Variants in NCKAP5 observed in about 807,000 individuals in gnomAD.
NCKAP5 encodes NCK associated protein 5.
NCKAP5 carries 92 observed loss-of-function variants against 167.0 expected under a neutral mutation model. That is an observed-to-expected ratio of 0.55 (90% CI 0.47 to 0.66). NCKAP5 has a LOEUF of 0.66. Among genes scored for constraint, NCKAP5 ranks in the 30% least tolerant of loss-of-function variants. The pLI is 0.00. For missense variants in NCKAP5, 2,378 were observed against 2,315.0 expected, an observed-to-expected ratio of 1.03 and a Z score of -0.56; for synonymous variants, 891 against 877.4, an observed-to-expected ratio of 1.02 and a Z score of -0.27.
intron 3 of NCKAP5, among the ~76,000 whole-genome samples, chr2:133,422,750 A>G (rs958169993): frequency 2.0e-5 from 3 of 152,184 alleles, no homozygotes; most frequent in African/African-American, 4.8e-5. Flanking sequence ...ACTTGGCATC[A>G]CTAAAACTGC....
At chr2:132,970,004 A>G (rs1293982119) in intron 7 of NCKAP5, among the ~76,000 whole-genome samples, 1 of 152,214 alleles carries the variant, frequency 6.6e-6, no homozygotes. Flanking sequence ...GGACGTATTT[A>G]GAGTAAGTGA....
At chr2:132,756,931 C>T (rs929114700) in intron 16 of NCKAP5, among the ~76,000 whole-genome samples, 9 of 152,276 alleles carry the variant, frequency 5.9e-5, no homozygotes, top group Admixed American at 2.0e-4. Flanking sequence ...CAGGCAGAGA[C>T]GGTTTATCAC....
intron 6 of NCKAP5, among the ~76,000 whole-genome samples, chr2:133,102,382 C>T (rs562092850): frequency 3.3e-5 from 5 of 152,172 alleles, no homozygotes; most frequent in South Asian, 2.1e-4. Context: ...CTCCTGACCT[C>T]GTGATCCACC....
the NCKAP5 span, among the ~76,000 whole-genome samples, chr2:133,671,387 A>G: frequency 6.6e-6 from 1 of 152,180 alleles, no homozygotes; most frequent in Non-Finnish European, 1.5e-5. Context: ...AAGTGGCTGT[A>G]TTAAAAGGTG....
intron 6 of NCKAP5, among the ~76,000 whole-genome samples, chr2:133,095,735 A>C (rs1172236743): frequency 6.6e-6 from 1 of 152,252 alleles, no homozygotes; most frequent in Non-Finnish European, 1.5e-5. Context: ...CAATAGAGAC[A>C]TAATAGCACA....
chr2:132,706,874 A>G (rs1688403861), intron 19 of NCKAP5, among the ~76,000 whole-genome samples: 1 of 152,184 alleles, frequency 6.6e-6, no homozygotes, highest in South Asian at 2.1e-4. Flanking sequence ...GGAATGAAAA[A>G]AAGAATGGCA....
At chr2:132,947,805 G>A (rs750646313) in intron 8 of NCKAP5, among the ~76,000 whole-genome samples, 4 of 152,126 alleles carry the variant, frequency 2.6e-5, no homozygotes, top group Non-Finnish European at 5.9e-5. Context: ...GAGATTTCAC[G>A]ATAGAGCATT....
intron 7 of NCKAP5, among the ~76,000 whole-genome samples, chr2:132,971,510 CA>C (rs780342510): frequency 2.0e-5 from 3 of 152,130 alleles, no homozygotes; most frequent in Non-Finnish European, 4.4e-5. Context: ...GAGGGTAACA[CA>C]GTCAGATTTG....
At chr2:133,066,591 T>C (rs2080203867) in intron 6 of NCKAP5, among the ~76,000 whole-genome samples, 3 of 152,220 alleles carry the variant, frequency 2.0e-5, no homozygotes, top group Admixed American at 2.0e-4. Flanking sequence ...AAACATGGGA[T>C]GCTGAGTGCC....
At chr2:133,066,273 C>A (rs191432834) in intron 6 of NCKAP5, among the ~76,000 whole-genome samples, 58 of 152,338 alleles carry the variant, frequency 3.8e-4, no homozygotes, top group African/African-American at 1.3e-3. Flanking sequence ...CACAATTGAG[C>A]CAGCCTTGTC....
intron 3 of NCKAP5, among the ~76,000 whole-genome samples, chr2:133,441,781 G>T (rs1164836404): frequency 6.6e-6 from 1 of 152,030 alleles, no homozygotes; most frequent in Non-Finnish European, 1.5e-5. Flanking sequence ...TTTAAATGAG[G>T]TCTTCATAGG....
intron 6 of NCKAP5, among the ~76,000 whole-genome samples, chr2:133,063,158 C>T (rs977908874): frequency 2.0e-5 from 3 of 152,156 alleles, no homozygotes; most frequent in African/African-American, 4.8e-5. Context: ...TAATTAATCA[C>T]AGCAGGAGGA....
the NCKAP5 span, among the ~76,000 whole-genome samples, chr2:133,579,969 T>C: frequency 6.6e-6 from 1 of 152,200 alleles, no homozygotes; most frequent in Non-Finnish European, 1.5e-5. Context: ...TTCATACATG[T>C]CTACACAAAA....
At chr2:133,291,860 G>C (rs1270420194) in intron 4 of NCKAP5, among the ~76,000 whole-genome samples, 1 of 152,194 alleles carries the variant, frequency 6.6e-6, no homozygotes, top group Non-Finnish European at 1.5e-5. Context: ...TTTGATTCAA[G>C]GAACCTTGCC....
intron 4 of NCKAP5, among the ~76,000 whole-genome samples, chr2:133,244,629 G>A (rs2087885177): frequency 6.6e-6 from 1 of 151,970 alleles, no homozygotes; most frequent in African/African-American, 2.4e-5. Context: ...AAAAAAACAG[G>A]CCCATGGGAG....
At chr2:133,176,539 C>G (rs988071001) in intron 5 of NCKAP5, among the ~76,000 whole-genome samples, 3 of 152,040 alleles carry the variant, frequency 2.0e-5, no homozygotes, top group Non-Finnish European at 4.4e-5. Context: ...ACTTATATTC[C>G]ATTAGTTAAA....
At chr2:133,395,707 G>A (rs1032810302) in intron 3 of NCKAP5, among the ~76,000 whole-genome samples, 1 of 152,086 alleles carries the variant, frequency 6.6e-6, no homozygotes, top group African/African-American at 2.4e-5. Context: ...GTGCAATGGT[G>A]TGATCATAGC....
intron 3 of NCKAP5, among the ~76,000 whole-genome samples, chr2:133,331,804 G>A (rs1574721633): frequency 6.6e-6 from 1 of 152,324 alleles, no homozygotes; most frequent in South Asian, 2.1e-4. Flanking sequence ...ACAACGCACT[G>A]CCACACACAA....
intron 2 of NCKAP5, among the ~76,000 whole-genome samples, chr2:133,524,261 T>A (rs1356700636): frequency 6.6e-6 from 1 of 152,238 alleles, no homozygotes; most frequent in African/African-American, 2.4e-5. Flanking sequence ...CACATGATTG[T>A]TGGTAGCAGC....
Sources: allele counts gnomAD v4.1 joint callset (sites outside exome capture counted in the v4.1 genomes callset), GRCh38; gene constraint gnomAD v4.1.1; transcripts MANE v1.5; gene names NCBI Gene and HGNC (gene_info 2026-07-23, HGNC 2026-07-21).